The following ABCB1 variants were observed in gnomAD, a reference collection of about 807,000 sequenced individuals.
ABCB1 encodes the protein ATP binding cassette subfamily B member 1.
Under a neutral mutation model 142.0 loss-of-function variants are expected in ABCB1, and 69 were observed. The observed-to-expected ratio is 0.49, with a 90% CI of 0.40 to 0.59. ABCB1 has a LOEUF of 0.59. Ranked by LOEUF, ABCB1 falls within the 20% of genes least tolerant of loss-of-function variation. The pLI is 0.00. For synonymous variants in ABCB1, 532 were observed against 539.2 expected, an observed-to-expected ratio of 0.99 and a Z score of 0.18; for missense variants, 1,326 against 1,554.7, an observed-to-expected ratio of 0.85 and a Z score of 2.47.
intron 12 of ABCB1, 40 bp downstream of exon 12, chr7:87,550,131 G>C: frequency 6.2e-7 from 1 of 1,614,124 alleles, no homozygotes; most frequent in Non-Finnish European, 8.5e-7. Flanking sequence ...CAATGTGACT[G>C]CTGATCACCG....
At chr7:87,599,613 G>A (rs924040873) in intron 2 of ABCB1, among the ~76,000 whole-genome samples, 3 of 152,074 alleles carry the variant, frequency 2.0e-5, no homozygotes, top group Non-Finnish European at 4.4e-5. Flanking sequence ...GGCCGGGAAG[G>A]GTAAAAAGGT....
intron 1 of ABCB1, among the ~76,000 whole-genome samples, chr7:87,652,649 A>G (rs1006827827): frequency 5.2e-5 from 6 of 115,588 alleles, no homozygotes; most frequent in African/African-American, 2.7e-4. Flanking sequence ...TATATATAGT[A>G]GGAAGTATGA....
chr7:87,605,700 T>C (rs1378436580), upstream of ABCB1, among the ~76,000 whole-genome samples: 1 of 152,218 alleles, frequency 6.6e-6, no homozygotes, highest in Non-Finnish European at 1.5e-5. Flanking sequence ...GATTTCTGTG[T>C]CATTTGAAGA....
chr7:87,657,737 A>G lies in ABCB1; in HGVS notation c.-331+55424T>C, dbSNP rs560954522. ...TGTCTTTCACTGTCACCCAGTGGTA[A>G]GGAGGCCACCCCAAGTACCATGCCA... is the stretch of plus-strand genomic sequence containing the variant. On this transcript the variant is annotated intron_variant, in intron 1 of 28. Coordinates refer to the ABCB1 transcript ENST00000265724. Among the ~76,000 whole-genome samples the G allele has an allele frequency of 2.1e-3, 322 of 152,218 alleles. 1 individual carries two copies. The highest frequency in any genetic ancestry group is 5.2e-3 in the Admixed American group (79 of 15,272).
At chr7:87,541,065 C>T (rs1347354066) in intron 18 of ABCB1, among the ~76,000 whole-genome samples, 2 of 152,152 alleles carry the variant, frequency 1.3e-5, no homozygotes, top group East Asian at 1.9e-4. Flanking sequence ...TCCAGGGCTC[C>T]CCCACACCCC....
chr7:87,542,433 C>G (rs1265447161), intron 17 of ABCB1, among the ~76,000 whole-genome samples: 2 of 152,162 alleles, frequency 1.3e-5, no homozygotes, highest in Non-Finnish European at 2.9e-5. Context: ...CAAGTTAACA[C>G]AGCCAGCAAG....
intron 1 of ABCB1, among the ~76,000 whole-genome samples, 188 bp from the exon 2 acceptor site, chr7:87,600,378 C>T (rs535660927): frequency 6.6e-6 from 1 of 152,322 alleles, no homozygotes; most frequent in South Asian, 2.1e-4. Flanking sequence ...CCAGCATCTC[C>T]ACGAAGGCAG....
chr7:87,707,096 T>C (rs929298781), intron 1 of ABCB1, among the ~76,000 whole-genome samples: 1 of 152,196 alleles, frequency 6.6e-6, no homozygotes, highest in African/African-American at 2.4e-5. Context: ...GATTTTCTAG[T>C]ACTCTGACTG....
intron 1 of ABCB1, among the ~76,000 whole-genome samples, chr7:87,630,688 CT>C (rs771607643): frequency 0.039 from 5,516 of 142,066 alleles, 153 homozygotes; most frequent in African/African-American, 0.077. Flanking sequence ...TTTGCTTAGT[CT>C]TTTTTTTTTT....
chr7:87,695,615 C>A (rs1285198622), intron 1 of ABCB1, among the ~76,000 whole-genome samples: 1 of 152,030 alleles, frequency 6.6e-6, no homozygotes, highest in East Asian at 1.9e-4. Context: ...ACTAACAGAA[C>A]TTTCATTTGT....
intron 1 of ABCB1, chr7:87,700,345 T>C: frequency 7.9e-7 from 1 of 1,267,652 alleles, no homozygotes; most frequent in Non-Finnish European, 1.1e-6. Context: ...TTTTTCAGAA[T>C]TTTATTGTTC....
Position 87,608,861 on chromosome 7 carries a change from A to G in ABCB1, c.-330-7783T>C, listed in dbSNP as rs183643834. On this transcript the variant is annotated intron_variant, in intron 1 of 28. Coordinates refer to the ABCB1 transcript ENST00000265724. ...TACAAGAAACACTGCTAGCAGACCA[A>G]TGAACAGTTGGTTAGATCTGACTTT... is the stretch of plus-strand genomic sequence containing the variant. 2.9e-3 allele frequency among the ~76,000 whole-genome samples: 441 copies of G among 152,336 alleles called. 2 individuals carry two copies. The highest frequency in any genetic ancestry group is 4.8e-3 in the Non-Finnish European group (329 of 68,022).
intron 1 of ABCB1, among the ~76,000 whole-genome samples, chr7:87,658,784 A>G (rs893632390): frequency 6.6e-6 from 1 of 152,198 alleles, no homozygotes; most frequent in Non-Finnish European, 1.5e-5. Context: ...CAATGAAGGA[A>G]ACATTAAGAC....
rs1584889905 is a variant in ABCB1 at position 87,570,050 on chromosome 7, A to G, written c.338+122T>C. ...TTAAAAAGTCTACATATACTCTTCT[A>G]AAAACTATCAAGAGTATTGTTCTCC... On this transcript the variant is annotated intron_variant, in intron 5 of 27. Coordinates refer to ENST00000622132, the MANE Select transcript of ABCB1 (RefSeq NM_001348946.2). The G allele has an allele frequency of 1.1e-6, 1 of 887,206 alleles. No homozygotes were observed. Among genetic ancestry groups the G allele is most frequent in the Non-Finnish European group, 1.8e-6 (1 of 546,300 alleles). The allele number at this position is 887,206 out of a possible 1,614,324, so 55.0% of individuals were successfully genotyped here.
intron 4 of ABCB1, among the ~76,000 whole-genome samples, chr7:87,571,936 G>A (rs955903308): frequency 6.6e-6 from 1 of 152,208 alleles, no homozygotes; most frequent in Non-Finnish European, 1.5e-5. Flanking sequence ...TAAAGGGTAA[G>A]ACAGAAGGTA....
intron 1 of ABCB1, among the ~76,000 whole-genome samples, chr7:87,649,374 A>G (rs1823345721): frequency 6.6e-6 from 1 of 152,364 alleles, no homozygotes; most frequent in Non-Finnish European, 1.5e-5. Context: ...AGGGAGATAC[A>G]TAGTTCAGAA....
intron 1 of ABCB1, chr7:87,628,625 G>GTGTGTGTGTGTGTGT: frequency 3.4e-6 from 1 of 291,644 alleles, no homozygotes; most frequent in African/African-American, 2.7e-5. Context: ...GTGTGTGTGT[G>GTGTGTGTGTGTGTGT]GAGCTCGGGT....
intron 21 of ABCB1, among the ~76,000 whole-genome samples, chr7:87,529,538 C>T (rs1446965056): frequency 6.6e-6 from 1 of 152,176 alleles, no homozygotes; most frequent in Non-Finnish European, 1.5e-5. Context: ...TGCTCCCCTT[C>T]CTTTGGCCCC....
chr7:87,711,513 G>A (rs549642420), intron 1 of ABCB1, among the ~76,000 whole-genome samples: 21 of 152,000 alleles, frequency 1.4e-4, no homozygotes, highest in Admixed American at 9.2e-4. Flanking sequence ...GTACATATTA[G>A]GACAACAGTC....
Sources: gnomAD v4.1 joint callset for allele counts (sites outside exome capture counted in the v4.1 genomes callset) on GRCh38, gnomAD v4.1.1 for gene constraint, MANE v1.5 for transcripts, NCBI Gene and HGNC (gene_info 2026-07-23, HGNC 2026-07-21) for gene names.